The following CECR2 variants were observed in gnomAD, a reference collection of about 807,000 sequenced individuals.
CECR2 encodes chromatin remodeling regulator CECR2.
CECR2 carries 30 observed loss-of-function variants against 154.5 expected under a neutral mutation model. That is an observed-to-expected ratio of 0.19 (90% CI 0.15 to 0.26). CECR2 has a LOEUF of 0.26. Among genes scored for constraint, CECR2 ranks in the 10% least tolerant of loss-of-function variants. The pLI is 1.00. For missense variants in CECR2, 1,743 were observed against 1,829.3 expected (o/e 0.95, Z 0.86); for synonymous variants, 725 against 683.7 (o/e 1.06, Z -0.94).
intron 1 of CECR2, among the ~76,000 whole-genome samples, chr22:17,397,707 C>T (rs2053833532): frequency 6.6e-6 from 1 of 151,998 alleles, no homozygotes; most frequent in South Asian, 2.1e-4. Flanking sequence ...CTGTGTTAGC[C>T]AGGATGGTCT....
At chr22:17,464,793 G>A (rs1313834686) in intron 1 of CECR2, among the ~76,000 whole-genome samples, 3 of 152,118 alleles carry the variant, frequency 2.0e-5, no homozygotes, top group Non-Finnish European at 1.5e-5. Context: ...GAGCCATTGT[G>A]CCCAGTCCAG....
chr22:17,403,088 G>C (rs1601294403), intron 1 of CECR2, among the ~76,000 whole-genome samples: 1 of 152,168 alleles, frequency 6.6e-6, no homozygotes, highest in African/African-American at 2.4e-5. Context: ...ATTTGTTCCT[G>C]CATTCCACCT....
intron 1 of CECR2, among the ~76,000 whole-genome samples, chr22:17,416,363 C>CT (rs1488822556): frequency 1.3e-5 from 2 of 151,822 alleles, no homozygotes; most frequent in Admixed American, 6.6e-5. Flanking sequence ...TGTCACTGAC[C>CT]TTTTTTTGTA....
rs695763 is a variant in CECR2 at position 17,557,145 on chromosome 22, C to CTTTTTTTTTTTTTTTTT, written c.*4309_*4325dup. The CTTTTTTTTTTTTTTTTT allele has an allele frequency of 2.8e-4, 30 of 106,536 alleles. 1 individual carries two copies. The highest frequency in any genetic ancestry group is 7.6e-3 in the Middle Eastern group (1 of 132). 6.6% of individuals were successfully genotyped at this position (106,536 alleles called of 1,614,324 possible). ...TACTGCATCCCGTTTTTTTTCTTTT[C>CTTTTTTTTTTTTTTTTT]TTTTTTTTTTTTTTTTTTTTGAGAC... On this transcript the variant is annotated 3_prime_UTR_variant, in exon 19 of 19. Coordinates refer to ENST00000262608, the MANE Select transcript of CECR2 (RefSeq NM_001290047.2).
intron 5 of CECR2, 124 bp from the exon 6 acceptor site, chr22:17,502,958 C>G: frequency 1.3e-6 from 1 of 753,452 alleles, no homozygotes; most frequent in Non-Finnish European, 2.2e-6. Context: ...AAGCCTTGTC[C>G]CCTTAACACA....
intron 1 of CECR2, among the ~76,000 whole-genome samples, chr22:17,457,885 TGAAA>T (rs1009763950): frequency 3.9e-5 from 6 of 152,204 alleles, no homozygotes; most frequent in Admixed American, 2.6e-4. Flanking sequence ...TTGTGCTGAG[TGAAA>T]GAAAGCTAAT....
intron 1 of CECR2, among the ~76,000 whole-genome samples, chr22:17,428,714 A>G (rs1430205971): frequency 6.6e-6 from 1 of 151,982 alleles, no homozygotes; most frequent in Non-Finnish European, 1.5e-5. Flanking sequence ...CTGGGCTCGA[A>G]TGATCCTCTT....
chr22:17,551,966 T>A, intron 17 of CECR2, 65 bp from the exon 18 acceptor site: 1 of 1,476,414 alleles, frequency 6.8e-7, no homozygotes, highest in Non-Finnish European at 9.5e-7. Flanking sequence ...GACTACAGTG[T>A]CTTGTTTCTT....
intron 1 of CECR2, among the ~76,000 whole-genome samples, chr22:17,375,127 T>TA (rs2063102419): frequency 2.0e-5 from 3 of 150,708 alleles, no homozygotes; most frequent in Non-Finnish European, 3.0e-5. Flanking sequence ...TATATATATA[T>TA]TTTTGAGTCA....
intron 1 of CECR2, among the ~76,000 whole-genome samples, chr22:17,425,631 G>A (rs1435066581): frequency 1.3e-5 from 2 of 152,206 alleles, no homozygotes; most frequent in Non-Finnish European, 2.9e-5. Context: ...GAAGAAGCAA[G>A]TGTAGGAATT....
chr22:17,407,951 G>A (rs115199789), intron 1 of CECR2, among the ~76,000 whole-genome samples: 2 of 152,190 alleles, frequency 1.3e-5, no homozygotes, highest in Admixed American at 6.5e-5. Flanking sequence ...ATGGGTGTCC[G>A]AAACTGTACC....
rs943173609 is a variant in CECR2, at chr22:17,543,018, C to T, written c.2860+15C>T. On this transcript the variant is annotated intron_variant, in intron 16 of 18. Transcript: ENST00000262608. ...GAATGACCAAGGTAATTTACACTGT[C>T]ACTTTGGGCTCTTTAAGCTCTTGTT... 4.4e-6 allele frequency: 7 copies of T among 1,581,698 alleles called. No individual in the cohort carries two copies. The highest frequency in any genetic ancestry group is 6.0e-6 in the Non-Finnish European group (7 of 1,162,606).
At chr22:17,451,609 C>G (rs1485328924) in intron 1 of CECR2, among the ~76,000 whole-genome samples, 1 of 152,160 alleles carries the variant, frequency 6.6e-6, no homozygotes, top group African/African-American at 2.4e-5. Context: ...CCTCCGAGCA[C>G]CAGAGCCCAG....
intron 1 of CECR2, among the ~76,000 whole-genome samples, chr22:17,439,326 A>T (rs2054551265): frequency 6.6e-6 from 1 of 152,198 alleles, no homozygotes; most frequent in African/African-American, 2.4e-5. Context: ...GCTGTGTTTC[A>T]GTAAAGCTTT....
intron 5 of CECR2, 21 bp from the exon 6 acceptor site, chr22:17,503,061 C>T: frequency 6.2e-7 from 1 of 1,607,866 alleles, no homozygotes; most frequent in East Asian, 2.2e-5. Flanking sequence ...TTAATTGGCA[C>T]CTCTTTTTCC....
At chr22:17,439,879 G>A (rs117580467) in intron 1 of CECR2, among the ~76,000 whole-genome samples, 7 of 152,182 alleles carry the variant, frequency 4.6e-5, no homozygotes, top group East Asian at 1.9e-4. Flanking sequence ...TGTTACCTGC[G>A]TACCGTGGAG....
intron 1 of CECR2, among the ~76,000 whole-genome samples, chr22:17,423,392 A>C (rs2054285792): frequency 6.6e-6 from 1 of 152,094 alleles, no homozygotes; most frequent in Non-Finnish European, 1.5e-5. Flanking sequence ...CTATAGTCCC[A>C]GCTACTCAGG....
rs201345547 is a variant in CECR2 at position 17,448,883 on chromosome 22, TA to T, written c.127-28704del. Among the ~76,000 whole-genome samples, 1,184 of 152,028 alleles carry T rather than the reference TA, an allele frequency of 7.8e-3. 68 individuals are homozygous for T. The East Asian group carries it at 0.15, about 19-fold the overall frequency. On this transcript the variant is annotated intron_variant, in intron 1 of 18. Coordinates refer to ENST00000262608, the MANE Select transcript of CECR2 (RefSeq NM_001290047.2). ...TCCTCTTTTTTATTTATTTATTATTTATTTATTTTTTTTGGAGATGGAGTCT... is the reference window on the plus strand; with the variant it reads ...TCCTCTTTTTTATTTATTTATTATTTTTTATTTTTTTTGGAGATGGAGTCT...
chr22:17,541,779 G>A, intron 14 of CECR2, 60 bp from the exon 15 acceptor site: 2 of 1,538,644 alleles, frequency 1.3e-6, no homozygotes, highest in Middle Eastern at 1.7e-4. Flanking sequence ...AACCCTTGTT[G>A]TCAACCTAAA....
Sources: allele counts gnomAD v4.1 joint callset (sites outside exome capture counted in the v4.1 genomes callset), GRCh38; gene constraint gnomAD v4.1.1; transcripts MANE v1.5; gene names NCBI Gene and HGNC (gene_info 2026-07-23, HGNC 2026-07-21).